The following STK3 variants were observed in gnomAD, a reference collection of about 807,000 sequenced individuals.
STK3 encodes serine/threonine kinase 3.
In STK3, 41 loss-of-function variants were observed where a neutral mutation model predicts 58.0. The ratio of observed to expected loss-of-function variants is 0.71; its 90% confidence interval spans 0.55 to 0.92. STK3 has a LOEUF of 0.92. Among genes scored for constraint, STK3 ranks in the 40% least tolerant of loss-of-function variants. STK3 has a pLI of 0.00. For missense variants in STK3, 479 were observed against 602.7 expected (o/e 0.79, Z 2.15); for synonymous variants, 170 against 191.0 (o/e 0.89, Z 0.91).
At chr8:98,552,975 A>G (rs953714799) in intron 8 of STK3, among the ~76,000 whole-genome samples, 6 of 152,160 alleles carry the variant, frequency 3.9e-5, no homozygotes, top group African/African-American at 1.4e-4. Flanking sequence ...ATCTACTACC[A>G]TGTGAACAAT....
intron 10 of STK3, among the ~76,000 whole-genome samples, chr8:98,460,541 C>G (rs1819869938): frequency 6.6e-6 from 1 of 152,010 alleles, no homozygotes; most frequent in African/African-American, 2.4e-5. Flanking sequence ...TTGGGAGGAG[C>G]CAGGGGCAGA....
At chr8:98,481,748 C>T (rs1039096574) in intron 10 of STK3, among the ~76,000 whole-genome samples, 4 of 151,716 alleles carry the variant, frequency 2.6e-5, no homozygotes, top group African/African-American at 9.7e-5. Flanking sequence ...CTTAGTAAGC[C>T]TCCTAGACTT....
At chr8:98,681,166 T>C (rs1823614494) in intron 6 of STK3, among the ~76,000 whole-genome samples, 1 of 151,934 alleles carries the variant, frequency 6.6e-6, no homozygotes, top group African/African-American at 2.4e-5. Context: ...ACACGGCTAA[T>C]TTTTGTATTT....
chr8:98,906,840 T>C (rs906270307), intron 1 of STK3, among the ~76,000 whole-genome samples: 13 of 152,128 alleles, frequency 8.5e-5, no homozygotes, highest in African/African-American at 2.9e-4. Flanking sequence ...TAGTACTTTT[T>C]TCTTAAAAAC....
chr8:98,742,680 G>A (rs1333507155), intron 4 of STK3, among the ~76,000 whole-genome samples: 2 of 150,890 alleles, frequency 1.3e-5, no homozygotes, highest in African/African-American at 2.4e-5. Flanking sequence ...ACAAGACAGG[G>A]ATGCCCTCTC....
chr8:98,502,995 T>C (rs1823741632), intron 10 of STK3, among the ~76,000 whole-genome samples: 1 of 152,230 alleles, frequency 6.6e-6, no homozygotes, highest in African/African-American at 2.4e-5. Context: ...CTCTTCTTTG[T>C]ACCTCTGGTA....
At chr8:98,671,583 G>GT (rs893198425) in intron 6 of STK3, among the ~76,000 whole-genome samples, 3 of 150,746 alleles carry the variant, frequency 2.0e-5, no homozygotes, top group African/African-American at 7.3e-5. Flanking sequence ...GTTTTTTTTT[G>GT]TTTTTTGTTT....
At chr8:98,494,761 A>T (rs1822997195) in intron 10 of STK3, among the ~76,000 whole-genome samples, 1 of 152,142 alleles carries the variant, frequency 6.6e-6, no homozygotes, top group Non-Finnish European at 1.5e-5. Flanking sequence ...AACAGTGCCA[A>T]GAAAGGCAAG....
At chr8:98,758,818 T>C (rs1204900193) in intron 3 of STK3, among the ~76,000 whole-genome samples, 1 of 152,254 alleles carries the variant, frequency 6.6e-6, no homozygotes, top group Admixed American at 6.5e-5. Flanking sequence ...ATTTCAGCAC[T>C]TGCTGCTTCA....
intron 1 of STK3, among the ~76,000 whole-genome samples, chr8:98,940,077 C>T (rs1840349174): frequency 6.6e-6 from 1 of 152,150 alleles, no homozygotes; most frequent in Non-Finnish European, 1.5e-5. Flanking sequence ...CTGGAGTCAC[C>T]GGAAGGCGAA....
At chr8:98,928,906 T>C (rs1183656630) in intron 1 of STK3, among the ~76,000 whole-genome samples, 2 of 152,200 alleles carry the variant, frequency 1.3e-5, no homozygotes, top group African/African-American at 2.4e-5. Context: ...TGGGAGAAGC[T>C]CCAATCAATA....
chr8:98,709,671 A>C (rs867993920), intron 4 of STK3, among the ~76,000 whole-genome samples: 4 of 152,230 alleles, frequency 2.6e-5, no homozygotes, highest in Middle Eastern at 3.2e-3. Flanking sequence ...ACACCACCTT[A>C]ACAGAATGGA....
chr8:98,766,435 T>A (rs1830952178), intron 3 of STK3, among the ~76,000 whole-genome samples: 1 of 152,170 alleles, frequency 6.6e-6, no homozygotes, highest in African/African-American at 2.4e-5. Context: ...CTCATTCTCA[T>A]CCATAAATTT....
chr8:98,728,927 TGAA>T (rs909776722), intron 4 of STK3, among the ~76,000 whole-genome samples: 6 of 152,144 alleles, frequency 3.9e-5, no homozygotes, highest in African/African-American at 1.4e-4. Flanking sequence ...AAAAAAAGTT[TGAA>T]GAAGCACTTA....
At chr8:98,641,568 C>G (rs184796552) in intron 6 of STK3, among the ~76,000 whole-genome samples, 107 of 152,278 alleles carry the variant, frequency 7.0e-4, no homozygotes, top group Non-Finnish European at 8.4e-4. Context: ...AATTCCTGCC[C>G]TCATGTTGCC....
intron 6 of STK3, among the ~76,000 whole-genome samples, chr8:98,673,417 A>G (rs1432930396): frequency 6.6e-6 from 1 of 152,242 alleles, no homozygotes; most frequent in Non-Finnish European, 1.5e-5. Flanking sequence ...GTATACAAAA[A>G]ATACTCAGAA....
chr8:98,614,212 AC>A (rs1817455822), intron 6 of STK3, among the ~76,000 whole-genome samples: 1 of 152,182 alleles, frequency 6.6e-6, no homozygotes, highest in Non-Finnish European at 1.5e-5. Flanking sequence ...CACCTCAACA[AC>A]AGCAGAGTAC....
chr8:98,768,534 T>C (rs530058247), intron 2 of STK3, among the ~76,000 whole-genome samples: 6 of 152,324 alleles, frequency 3.9e-5, no homozygotes, highest in Middle Eastern at 3.4e-3. Context: ...AAAGTCACAT[T>C]GGGCTGGGTG....
chr8:98,663,706 T>C (rs1822134680), intron 6 of STK3, among the ~76,000 whole-genome samples: 2 of 152,090 alleles, frequency 1.3e-5, no homozygotes, highest in African/African-American at 4.8e-5. Flanking sequence ...AAATGATGAG[T>C]TCATGTCCTT....
Sources: allele counts gnomAD v4.1 joint callset (sites outside exome capture counted in the v4.1 genomes callset), GRCh38; gene constraint gnomAD v4.1.1; transcripts MANE v1.5; gene names NCBI Gene and HGNC (gene_info 2026-07-23, HGNC 2026-07-21).